Variants in TGFBR3 observed in about 807,000 individuals in gnomAD.
The protein encoded by TGFBR3 is transforming growth factor beta receptor type 3.
In TGFBR3, 46 loss-of-function variants were observed where a neutral mutation model predicts 87.9. The ratio of observed to expected loss-of-function variants is 0.52; its 90% CI spans 0.41 to 0.67. The LOEUF is 0.67. Ranked by LOEUF, TGFBR3 falls within the 30% of genes least tolerant of loss-of-function variation. TGFBR3 has a pLI of 0.00. For missense variants in TGFBR3, 866 were observed against 1,041.9 expected, an observed-to-expected ratio of 0.83 and a Z score of 2.32; for synonymous variants, 381 against 391.6, an observed-to-expected ratio of 0.97 and a Z score of 0.32.
At chr1:91,860,132 G>C (rs1301768706) in intron 2 of TGFBR3, among the ~76,000 whole-genome samples, 1 of 152,142 alleles carries the variant, frequency 6.6e-6, no homozygotes, top group Non-Finnish European at 1.5e-5. Flanking sequence ...CCACTTTCCA[G>C]CTACATGACA....
intron 4 of TGFBR3, among the ~76,000 whole-genome samples, chr1:91,753,418 A>AAAAAAAAAAAT (rs1673626460): frequency 7.4e-6 from 1 of 135,384 alleles, no homozygotes; most frequent in African/African-American, 2.6e-5. Flanking sequence ...AAAAAAAAAA[A>AAAAAAAAAAAT]GTGCTGCAGC....
At chr1:91,882,333 C>T (rs1284808195) in intron 1 of TGFBR3, among the ~76,000 whole-genome samples, 1 of 151,570 alleles carries the variant, frequency 6.6e-6, no homozygotes, top group Non-Finnish European at 1.5e-5. Flanking sequence ...GATCAGGTTT[C>T]GCCATGTTGG....
intron 12 of TGFBR3, among the ~76,000 whole-genome samples, chr1:91,713,106 T>G (rs17882239): frequency 1.3e-5 from 2 of 152,204 alleles, no homozygotes; most frequent in African/African-American, 4.8e-5. Flanking sequence ...TGGGTGTCAG[T>G]GACGGTGCAA....
At chr1:91,898,998 A>AG (rs1679619256) in intron 2 of TGFBR3, among the ~76,000 whole-genome samples, 4 of 152,092 alleles carry the variant, frequency 2.6e-5, no homozygotes, top group Admixed American at 2.0e-4. Context: ...TAACCACTCA[A>AG]TTTTCCTCCT....
chr1:91,797,222 T>G, intron 3 of TGFBR3, 65 bp downstream of exon 3: 1 of 1,559,210 alleles, frequency 6.4e-7, no homozygotes. Flanking sequence ...GAAAAGGACT[T>G]CTGTCCAGAA....
chr1:91,776,670 T>C (rs750968970), intron 3 of TGFBR3, among the ~76,000 whole-genome samples: 1 of 152,168 alleles, frequency 6.6e-6, no homozygotes, highest in Non-Finnish European at 1.5e-5. Context: ...CATTACCTCC[T>C]GCCTACAGGT....
In TGFBR3 at chr1:91,788,697, C is replaced by T. The variant is rs1274990775; in HGVS notation, c.246+8590G>A. 2.6e-5 allele frequency among the ~76,000 whole-genome samples: 4 copies of T among 152,338 alleles called. 1 individual carries two copies. In the South Asian group the frequency reaches 6.2e-4, roughly 24 times the overall value. Reference sequence around the variant, plus strand: ...TGGAAAACTGGAGACGCTGCACACGCATGCACTGGGCCTTTGCCCAATCAG... The same window carrying T: ...TGGAAAACTGGAGACGCTGCACACGTATGCACTGGGCCTTTGCCCAATCAG... On this transcript the variant is annotated intron_variant, in intron 3 of 16. Coordinates refer to ENST00000212355, the MANE Select transcript of TGFBR3 (RefSeq NM_003243.5).
chr1:91,780,371 A>G lies in TGFBR3; in HGVS notation c.246+16916T>C, dbSNP rs1012217630. On this transcript the variant is annotated intron_variant, in intron 3 of 16. Transcript: ENST00000212355. ...TGGTAATCTGGTAAGACAATATGTCAATTATAACACAAGGCAGCTTGCTAT... is the reference window on the plus strand; with the variant it reads ...TGGTAATCTGGTAAGACAATATGTCGATTATAACACAAGGCAGCTTGCTAT... 2.6e-4 allele frequency among the ~76,000 whole-genome samples: 40 copies of G among 152,164 alleles called. 1 individual carries two copies. Among genetic ancestry groups the G allele is most frequent in the African/African-American group, 9.4e-4 (39 of 41,502 alleles).
chr1:91,797,260 G>A, intron 3 of TGFBR3, 27 bp downstream of exon 3: 1 of 1,612,066 alleles, frequency 6.2e-7, no homozygotes, highest in Non-Finnish European at 8.5e-7. Flanking sequence ...CAGTGGCAGT[G>A]GGCTGAGAGC....
intron 3 of TGFBR3, among the ~76,000 whole-genome samples, chr1:91,776,654 T>C (rs2100949569): frequency 6.6e-6 from 1 of 152,294 alleles, no homozygotes; most frequent in Non-Finnish European, 1.5e-5. Flanking sequence ...CTGATCAGTG[T>C]AGTGCCATTA....
At chr1:91,708,242 C>T (rs929039833) in intron 14 of TGFBR3, among the ~76,000 whole-genome samples, 4 of 152,152 alleles carry the variant, frequency 2.6e-5, no homozygotes, top group African/African-American at 9.7e-5. Context: ...AAGGCATTTG[C>T]AATTTTGATA....
At chr1:91,725,496 G>C (rs1357483454) in intron 7 of TGFBR3, among the ~76,000 whole-genome samples, 1 of 152,182 alleles carries the variant, frequency 6.6e-6, no homozygotes, top group African/African-American at 2.4e-5. Context: ...TACCATTCCT[G>C]TTAGAGAAGG....
At chr1:91,744,109 G>T (rs1015239040) in intron 4 of TGFBR3, among the ~76,000 whole-genome samples, 2 of 140,614 alleles carry the variant, frequency 1.4e-5, no homozygotes. Context: ...TTTTTGAGAC[G>T]GAGTTTCGCT....
intron 2 of TGFBR3, among the ~76,000 whole-genome samples, chr1:91,803,520 C>T (rs1238961979): frequency 2.0e-5 from 3 of 150,354 alleles, no homozygotes; most frequent in Admixed American, 1.3e-4. Context: ...CATGGAGCCA[C>T]GGGATCAGCT....
chr1:91,800,786 A>C (rs1454999539), intron 2 of TGFBR3, among the ~76,000 whole-genome samples: 1 of 152,104 alleles, frequency 6.6e-6, no homozygotes, highest in Non-Finnish European at 1.5e-5. Context: ...CATACAACGT[A>C]ATAAGAGACA....
At chr1:91,738,357 C>A (rs191977260) in intron 4 of TGFBR3, among the ~76,000 whole-genome samples, 2 of 152,162 alleles carry the variant, frequency 1.3e-5, no homozygotes, top group Non-Finnish European at 2.9e-5. Flanking sequence ...TGAATGGTAA[C>A]CCCCAACGTT....
chr1:91,874,550 T>A (rs1311061571), intron 1 of TGFBR3, among the ~76,000 whole-genome samples: 1 of 152,142 alleles, frequency 6.6e-6, no homozygotes, highest in Non-Finnish European at 1.5e-5. Context: ...CAGACTGGAG[T>A]GCAGTGGTGC....
chr1:91,688,389 G>A (rs926765405), intron 16 of TGFBR3, among the ~76,000 whole-genome samples: 2 of 152,146 alleles, frequency 1.3e-5, no homozygotes, highest in African/African-American at 2.4e-5. Context: ...CACAGCTATC[G>A]CTACAACCCT....
intron 14 of TGFBR3, among the ~76,000 whole-genome samples, chr1:91,702,254 A>AT (rs966568295): frequency 1.3e-5 from 2 of 152,124 alleles, no homozygotes; most frequent in Non-Finnish European, 2.9e-5. Flanking sequence ...CACCTACCAT[A>AT]TTTTTTTGAA....
Sources: allele counts gnomAD v4.1 joint callset (sites outside exome capture counted in the v4.1 genomes callset), GRCh38; gene constraint gnomAD v4.1.1; transcripts MANE v1.5; gene names NCBI Gene and HGNC (gene_info 2026-07-23, HGNC 2026-07-21).